FANCE: variants seen among roughly 807,000 people sequenced by gnomAD.
FANCE encodes the protein Fanconi anemia group E protein.
In FANCE, 42 loss-of-function variants were observed where a neutral mutation model predicts 57.8. That is an observed-to-expected ratio of 0.73 (90% CI 0.57 to 0.94). The LOEUF is 0.94. FANCE is among the 40% of genes least tolerant of loss of function. The pLI, the probability that FANCE is intolerant of heterozygous loss-of-function variation, is 0.00. For missense variants in FANCE, 608 were observed against 661.8 expected (o/e 0.92, Z 0.89); for synonymous variants, 251 against 286.4 (o/e 0.88, Z 1.25).
At chr6:35,455,638 C>A in intron 1 of FANCE, 109 bp from the exon 2 acceptor site, 1 of 1,317,594 alleles carries the variant, frequency 7.6e-7, no homozygotes, top group Non-Finnish European at 1.1e-6. Context: ...GCAGATACTG[C>A]GTGCCAGCCC....
At chr6:35,460,514 G>A (rs766708324) in intron 7 of FANCE, 38 bp from the exon 8 acceptor site, 2 of 1,596,578 alleles carry the variant, frequency 1.3e-6, no homozygotes, top group African/African-American at 1.3e-5. Context: ...GCTTGGGTGG[G>A]AGGCCAGGCA....
rs7757405 is a variant in FANCE at position 35,455,712 on chromosome 6, A to G, written c.249-35A>G. On this transcript the variant is annotated intron_variant, in intron 1 of 9. Coordinates refer to ENST00000229769, the MANE Select transcript of FANCE (RefSeq NM_021922.3). ...GTCTGCCTTGTGCTCCCTTCAGCCA[A>G]ACACTTAACTGCTTGCTCTCCCTCT... is the stretch of plus-strand genomic sequence containing the variant. 1,112,217 of 1,610,456 alleles carry G rather than the reference A, an allele frequency of 0.69. 386,801 individuals carry two copies. The highest frequency in any genetic ancestry group is 0.87 in the African/African-American group (65,089 of 74,954).
intron 1 of FANCE, 135 bp from the exon 2 acceptor site, chr6:35,455,612 A>G: frequency 9.3e-7 from 1 of 1,075,912 alleles, no homozygotes; most frequent in Non-Finnish European, 1.4e-6. Context: ...CACCTGGCCA[A>G]CATCCACTGA....
intron 1 of FANCE, among the ~76,000 whole-genome samples, chr6:35,455,519 C>T (rs983598172): frequency 1.3e-5 from 2 of 152,090 alleles, no homozygotes; most frequent in African/African-American, 4.8e-5. Flanking sequence ...CCATGTTGGC[C>T]ATGCAGGTCT....
Position 35,457,991 on chromosome 6 carries a change from C to T in FANCE, c.969+7C>T, listed in dbSNP as rs1294660894. ...CGAATGTAGTCCCAGCCAGGTGAGT[C>T]CAGATGACTGCCTGGCTCTGAGGTT... On this transcript the variant is annotated splice_region_variant and intron_variant, in intron 4 of 9. Coordinates refer to ENST00000229769, the MANE Select transcript of FANCE (RefSeq NM_021922.3). The T allele has an allele frequency of 8.7e-6, 14 of 1,611,046 alleles. No homozygotes were observed. Among genetic ancestry groups the T allele is most frequent in the Non-Finnish European group, 1.2e-5 (14 of 1,177,324 alleles).
chr6:35,455,417 C>T (rs1449702108), intron 1 of FANCE, among the ~76,000 whole-genome samples: 1 of 152,122 alleles, frequency 6.6e-6, no homozygotes, highest in Admixed American at 6.6e-5. Context: ...AAGCGATTCT[C>T]CTGCCTCAGC....
At chr6:35,460,185 G>A (rs1308604301) in intron 7 of FANCE, among the ~76,000 whole-genome samples, 3 of 152,064 alleles carry the variant, frequency 2.0e-5, no homozygotes, top group East Asian at 3.9e-4. Flanking sequence ...GCACAGTCTT[G>A]GCTCACTGCA....
At chr6:35,453,234 T>C (rs1308277668) in intron 1 of FANCE, among the ~76,000 whole-genome samples, 1 of 152,210 alleles carries the variant, frequency 6.6e-6, no homozygotes, top group Non-Finnish European at 1.5e-5. Context: ...TAAGGCAAGA[T>C]TGCTTTCTCT....
In FANCE at chr6:35,459,447, A is replaced by C. The variant is rs1767499085; in HGVS notation, c.1230A>C (p.Pro410=). ...TCCTTGACCCTGTGCTCCAGGCCCC[A>C]GGCACAGGTAATTCTGGAACCAGCC... ...SALLDPVLQA[P]GTGPAQTELL... Residue 410 remains proline (P), a synonymous_variant, in exon 6 of 10, where the codon CCA becomes CCC. Coordinates refer to ENST00000229769, the MANE Select transcript of FANCE (RefSeq NM_021922.3). The C allele has an allele frequency of 6.2e-7, 1 of 1,613,790 alleles. No individual in the cohort carries two copies. Among genetic ancestry groups the C allele is most frequent in the Admixed American group, 1.7e-5 (1 of 59,980 alleles).
chr6:35,458,829 G>A (rs1019238886), intron 5 of FANCE, among the ~76,000 whole-genome samples: 5 of 151,968 alleles, frequency 3.3e-5, no homozygotes, highest in Middle Eastern at 3.4e-3. Flanking sequence ...CACTCAAGCT[G>A]GAGTGCAGTG....
rs1391823624 is a variant in FANCE, at chr6:35,460,533, T to C, written c.1317-19T>C. Reference sequence around the variant, plus strand: ...GGGTGGGAGGCCAGGCATTTTTCACTAGGGCCTCTGCTTTGCAGACAGATC... The same window carrying C: ...GGGTGGGAGGCCAGGCATTTTTCACCAGGGCCTCTGCTTTGCAGACAGATC... On this transcript the variant is annotated intron_variant, in intron 7 of 9. Coordinates refer to ENST00000229769, the MANE Select transcript of FANCE (RefSeq NM_021922.3). 1.2e-6 allele frequency: 2 copies of C among 1,613,282 alleles called. No homozygotes were observed. The highest frequency in any genetic ancestry group is 3.3e-5 in the Admixed American group (2 of 60,006).
chr6:35,462,381 A>G (rs182229063), intron 8 of FANCE, among the ~76,000 whole-genome samples: 169 of 152,268 alleles, frequency 1.1e-3, no homozygotes, highest in African/African-American at 3.9e-3. Flanking sequence ...TGCTGGGATT[A>G]CAGGCATGAG....
intron 8 of FANCE, among the ~76,000 whole-genome samples, chr6:35,462,117 A>ATTT (rs1554122312): frequency 0.14 from 20,495 of 149,746 alleles, 2,638 homozygotes; most frequent in African/African-American, 0.34. Flanking sequence ...AATAATTATT[A>ATTT]TTTTTTTTGA....
At chr6:35,459,814 G>C (rs1187807457) in intron 7 of FANCE, 54 bp downstream of exon 7, 2 of 1,508,870 alleles carry the variant, frequency 1.3e-6, no homozygotes, top group Non-Finnish European at 1.8e-6. Context: ...CCCCAGGCTA[G>C]AGTGACATCA....
chr6:35,466,350 C>G lies in FANCE; in HGVS notation c.*5C>G. ...TTGAAACATTTGGGCCCCTGACCATCCACCAAGGGACCACCCTCTTGGTGC... is the reference window on the plus strand; with the variant it reads ...TTGAAACATTTGGGCCCCTGACCATGCACCAAGGGACCACCCTCTTGGTGC... On this transcript the variant is annotated 3_prime_UTR_variant, in exon 10 of 10. Transcript: ENST00000229769. 1 of 1,586,720 alleles carries G rather than the reference C, an allele frequency of 6.3e-7. No homozygotes were observed. Among genetic ancestry groups the G allele is most frequent in the East Asian group, 2.2e-5 (1 of 44,746 alleles).
At chr6:35,453,193 T>C (rs748740529) in intron 1 of FANCE, among the ~76,000 whole-genome samples, 12 of 152,246 alleles carry the variant, frequency 7.9e-5, no homozygotes, top group Non-Finnish European at 1.6e-4. Context: ...GGTGGCTGTA[T>C]GCTCTGCTTT....
At chr6:35,455,341 A>G (rs1231002697) in intron 1 of FANCE, among the ~76,000 whole-genome samples, 5 of 150,926 alleles carry the variant, frequency 3.3e-5, no homozygotes, top group Non-Finnish European at 2.9e-5. Flanking sequence ...AGTGTCTCAC[A>G]TTGTTGCCCA....
At chr6:35,454,549 AC>A (rs1324845859) in intron 1 of FANCE, among the ~76,000 whole-genome samples, 2 of 152,136 alleles carry the variant, frequency 1.3e-5, no homozygotes, top group East Asian at 3.8e-4. Context: ...TGCTGCCATG[AC>A]TTGCCACACC....
chr6:35,462,409 AATT>A (rs1767629740), intron 8 of FANCE, among the ~76,000 whole-genome samples: 1 of 152,044 alleles, frequency 6.6e-6, no homozygotes. Context: ...GCCTAGCATA[AATT>A]ATTATTATAA....
Sources: allele counts gnomAD v4.1 joint callset (sites outside exome capture counted in the v4.1 genomes callset), GRCh38; gene constraint gnomAD v4.1.1; transcripts MANE v1.5; gene names NCBI Gene and HGNC (gene_info 2026-07-23, HGNC 2026-07-21).